Variants in NSMCE2 observed in about 807,000 individuals in gnomAD.
The protein encoded by NSMCE2 is E3 SUMO-protein ligase NSE2.
Under a neutral mutation model 23.8 loss-of-function variants are expected in NSMCE2, and 24 were observed. The observed-to-expected ratio is 1.01, with a 90% CI of 0.73 to 1.42. The LOEUF (loss-of-function observed/expected upper bound fraction) is 1.42, where lower values mean the gene tolerates loss of function less well. Among genes scored for constraint, NSMCE2 ranks in the 40% most tolerant of loss-of-function variants. NSMCE2 has a pLI of 0.00. For missense variants in NSMCE2, 284 were observed against 296.5 expected, an observed-to-expected ratio of 0.96 and a Z score of 0.31; for synonymous variants, 92 against 94.1, an observed-to-expected ratio of 0.98 and a Z score of 0.13.
chr8:125,282,851 G>A (rs1489884668), intron 5 of NSMCE2, among the ~76,000 whole-genome samples: 2 of 152,158 alleles, frequency 1.3e-5, no homozygotes, highest in Non-Finnish European at 2.9e-5. Flanking sequence ...AGCCCTACTG[G>A]GCAGTTCTGG....
At chr8:125,129,186 T>C (rs1819641756) in intron 3 of NSMCE2, among the ~76,000 whole-genome samples, 1 of 152,048 alleles carries the variant, frequency 6.6e-6, no homozygotes, top group Non-Finnish European at 1.5e-5. Flanking sequence ...ATACGTGAAA[T>C]GACAAGAAGG....
At chr8:125,220,034 GT>G (rs1824783166) in intron 5 of NSMCE2, among the ~76,000 whole-genome samples, 1 of 152,162 alleles carries the variant, frequency 6.6e-6, no homozygotes, top group Admixed American at 6.5e-5. Context: ...AAGTTCATTG[GT>G]TTTGAAAGGC....
chr8:125,122,948 T>C (rs190977404), intron 3 of NSMCE2, among the ~76,000 whole-genome samples: 1 of 152,276 alleles, frequency 6.6e-6, no homozygotes, highest in African/African-American at 2.4e-5. Context: ...AACAAATGGA[T>C]GTGATTTGAA....
intron 5 of NSMCE2, among the ~76,000 whole-genome samples, chr8:125,211,309 C>T (rs1824330825): frequency 6.6e-6 from 1 of 152,178 alleles, no homozygotes; most frequent in African/African-American, 2.4e-5. Flanking sequence ...TTACATATCC[C>T]TGTGGAAATA....
At chr8:125,290,858 A>T (rs938718786) in intron 5 of NSMCE2, among the ~76,000 whole-genome samples, 5 of 152,246 alleles carry the variant, frequency 3.3e-5, no homozygotes, top group South Asian at 2.1e-4. Context: ...CTATCTCAGT[A>T]TAAATTATTT....
At chr8:125,283,224 T>C (rs1827761533) in intron 5 of NSMCE2, among the ~76,000 whole-genome samples, 1 of 152,222 alleles carries the variant, frequency 6.6e-6, no homozygotes, top group Non-Finnish European at 1.5e-5. Context: ...GCTGCTATTG[T>C]TTTTAATTAA....
At chr8:125,332,178 A>T (rs1829906024) in intron 5 of NSMCE2, among the ~76,000 whole-genome samples, 1 of 152,184 alleles carries the variant, frequency 6.6e-6, no homozygotes, top group Admixed American at 6.5e-5. Flanking sequence ...CTCCTAAATA[A>T]AGCAAATTTG....
intron 3 of NSMCE2, among the ~76,000 whole-genome samples, chr8:125,111,779 A>G (rs1433393408): frequency 1.3e-5 from 2 of 152,200 alleles, no homozygotes; most frequent in Non-Finnish European, 2.9e-5. Context: ...CAACCTAGGC[A>G]GTAGAGTGAG....
chr8:125,132,650 C>G (rs1278060740), intron 3 of NSMCE2, among the ~76,000 whole-genome samples: 1 of 152,040 alleles, frequency 6.6e-6, no homozygotes, highest in Non-Finnish European at 1.5e-5. Context: ...CACGCTACCA[C>G]ACTCGGGTCA....
chr8:125,115,850 G>C (rs1422426707), intron 3 of NSMCE2, among the ~76,000 whole-genome samples: 1 of 152,230 alleles, frequency 6.6e-6, no homozygotes, highest in Non-Finnish European at 1.5e-5. Flanking sequence ...GTGAAGAAAA[G>C]GGAGCTGTCA....
chr8:125,126,085 A>G (rs1031807371), intron 3 of NSMCE2, among the ~76,000 whole-genome samples: 7 of 152,126 alleles, frequency 4.6e-5, no homozygotes, highest in African/African-American at 1.4e-4. Flanking sequence ...TGAAAACTAT[A>G]AAAGGGCAGT....
intron 4 of NSMCE2, chr8:125,156,031 G>C (rs755971652): frequency 2.3e-6 from 1 of 443,518 alleles, no homozygotes; most frequent in Admixed American, 2.4e-5. Context: ...TGTAGTTCCA[G>C]CTACTTGGGA....
intron 3 of NSMCE2, chr8:125,124,098 T>G (rs1289368634): frequency 6.6e-6 from 1 of 152,226 alleles, no homozygotes; most frequent in East Asian, 1.9e-4. Flanking sequence ...ACTTTCTGTC[T>G]CTATAGATTT....
At chr8:125,099,895 TG>T (rs138827527) in intron 1 of NSMCE2, among the ~76,000 whole-genome samples, 52 of 151,932 alleles carry the variant, frequency 3.4e-4, no homozygotes, top group Non-Finnish European at 6.6e-4. Context: ...GAAGTAATGG[TG>T]TATTTGTTTG....
intron 3 of NSMCE2, among the ~76,000 whole-genome samples, chr8:125,143,098 G>GCA (rs56704513): frequency 0.15 from 22,922 of 148,336 alleles, 1,965 homozygotes; most frequent in African/African-American, 0.25. Context: ...GTGGGTGCAC[G>GCA]CACACACACA....
chr8:125,265,630 C>T (rs1270305804), intron 5 of NSMCE2, among the ~76,000 whole-genome samples: 1 of 152,180 alleles, frequency 6.6e-6, no homozygotes, highest in Non-Finnish European at 1.5e-5. Flanking sequence ...AGGTGGCCGC[C>T]TTACTTTACC....
chr8:125,160,461 G>A (rs910241928), intron 4 of NSMCE2, among the ~76,000 whole-genome samples: 1 of 152,144 alleles, frequency 6.6e-6, no homozygotes, highest in Non-Finnish European at 1.5e-5. Context: ...GAAGGGGTTG[G>A]GGGTGGCTTG....
intron 5 of NSMCE2, among the ~76,000 whole-genome samples, chr8:125,211,546 C>T (rs910535812): frequency 6.6e-6 from 1 of 152,204 alleles, no homozygotes; most frequent in Admixed American, 6.5e-5. Flanking sequence ...CTGCCATGTG[C>T]ACTGGTACAC....
intron 5 of NSMCE2, among the ~76,000 whole-genome samples, chr8:125,353,491 GC>G (rs1047693439): frequency 6.6e-6 from 1 of 152,088 alleles, no homozygotes; most frequent in Non-Finnish European, 1.5e-5. Context: ...CCAAAGACAG[GC>G]CCTGAGAAGC....
Sources: gnomAD v4.1 joint callset for allele counts (sites outside exome capture counted in the v4.1 genomes callset) on GRCh38, gnomAD v4.1.1 for gene constraint, MANE v1.5 for transcripts, NCBI Gene and HGNC (gene_info 2026-07-23, HGNC 2026-07-21) for gene names.